EGFR: variants seen among roughly 807,000 people sequenced by gnomAD.
The protein encoded by EGFR is epidermal growth factor receptor.
A neutral mutation model predicts 143.0 loss-of-function variants in EGFR; 58 were observed. The observed-to-expected ratio is 0.41, with a 90% confidence interval of 0.33 to 0.50. The LOEUF (loss-of-function observed/expected upper bound fraction) is 0.50, where lower values mean the gene tolerates loss of function less well. EGFR is among the 20% of genes least tolerant of loss of function. The probability of loss-of-function intolerance (pLI) is 0.39; values close to 1 mark genes in which losing one functional copy is unlikely to be tolerated. For synonymous variants in EGFR, 613 were observed against 594.4 expected (o/e 1.03, Z -0.45); for missense variants, 1,307 against 1,579.0 (o/e 0.83, Z 2.92).
intron 20 of EGFR, among the ~76,000 whole-genome samples, chr7:55,186,151 C>T (rs1208084574): frequency 6.6e-6 from 1 of 152,236 alleles, no homozygotes; most frequent in Non-Finnish European, 1.5e-5. Context: ...ACAGATCGTG[C>T]TGTGTGCGTG....
At chr7:55,156,944 A>T (rs923395176) in intron 10 of EGFR, 112 bp downstream of exon 10, 7 of 1,566,228 alleles carry the variant, frequency 4.5e-6, no homozygotes, top group African/African-American at 1.4e-5. Context: ...CTGAAATTTT[A>T]CCGTTAATGG....
chr7:55,202,440 G>A, intron 26 of EGFR, 77 bp from the exon 27 acceptor site: 1 of 1,236,428 alleles, frequency 8.1e-7, no homozygotes, highest in Non-Finnish European at 1.2e-6. Flanking sequence ...ATCTCAAGGA[G>A]ATCTCGGGTG....
intron 1 of EGFR, among the ~76,000 whole-genome samples, chr7:55,047,769 CA>C (rs1562667463): frequency 1.3e-5 from 2 of 152,120 alleles, no homozygotes; most frequent in South Asian, 2.1e-4. Context: ...AACAAACAAA[CA>C]AAAAAACACT....
At chr7:55,098,412 A>G (rs953010123) in intron 1 of EGFR, among the ~76,000 whole-genome samples, 1 of 152,186 alleles carries the variant, frequency 6.6e-6, no homozygotes, top group Admixed American at 6.5e-5. Context: ...TGGCAACTCC[A>G]TAGAATGAAA....
chr7:55,193,854 C>T (rs1170910178), intron 22 of EGFR, among the ~76,000 whole-genome samples: 2 of 152,158 alleles, frequency 1.3e-5, no homozygotes, highest in Admixed American at 1.3e-4. Flanking sequence ...TCTGATTTTC[C>T]AAATACATAC....
rs550550936 is a variant in EGFR, at chr7:55,199,980, C to T, written c.2849-336C>T. Among the ~76,000 whole-genome samples, 14 of 152,342 alleles carry T rather than the reference C, an allele frequency of 9.2e-5. No individual in the cohort carries two copies. In the South Asian group the frequency reaches 2.9e-3, roughly 32 times the overall value. On this transcript the variant is annotated intron_variant, in intron 23 of 27. Transcript: ENST00000275493. ...TGAGTGAGGACCTTGGTGCAGGGCACCCTGCAGTCAGGATAGTTCATGGAG... is the reference window on the plus strand; with the variant it reads ...TGAGTGAGGACCTTGGTGCAGGGCATCCTGCAGTCAGGATAGTTCATGGAG...
At chr7:55,169,574 A>G (rs1467549528) in intron 15 of EGFR, among the ~76,000 whole-genome samples, 1 of 152,214 alleles carries the variant, frequency 6.6e-6, no homozygotes, top group Non-Finnish European at 1.5e-5. Context: ...TACCAAAAAA[A>G]AAAGAATCAA....
At chr7:55,155,542 G>A (rs978039285) in intron 7 of EGFR, among the ~76,000 whole-genome samples, 14 of 152,210 alleles carry the variant, frequency 9.2e-5, no homozygotes, top group African/African-American at 3.4e-4. Context: ...GTGGAGGAGA[G>A]GGCTGAGGTG....
chr7:55,024,852 C>T (rs531985300), intron 1 of EGFR, among the ~76,000 whole-genome samples: 24 of 152,248 alleles, frequency 1.6e-4, no homozygotes, highest in African/African-American at 5.5e-4. Flanking sequence ...GAATCAATGA[C>T]GGAACTCTTC....
chr7:55,173,917 C>T lies in EGFR; in HGVS notation c.2062-4C>T, dbSNP rs199867889. On this transcript the variant is annotated splice_region_variant and splice_polypyrimidine_tract_variant and intron_variant, in intron 17 of 27. Coordinates refer to ENST00000275493, the MANE Select transcript of EGFR (RefSeq NM_005228.5). ...CCTTGTCTCTGTGTTCTTGTCCCCC[C>T]CAGCTTGTGGAGCCTCTTACACCCA... 6 of 1,614,242 alleles carry T rather than the reference C, an allele frequency of 3.7e-6. No individual in the cohort carries two copies.
chr7:55,126,944 C>T (rs1012168867), intron 1 of EGFR, among the ~76,000 whole-genome samples: 6 of 152,076 alleles, frequency 3.9e-5, no homozygotes, highest in African/African-American at 1.4e-4. Flanking sequence ...AAACCAAACA[C>T]CCCCGCTTAA....
At chr7:55,194,186 C>T (rs1031760679) in intron 22 of EGFR, among the ~76,000 whole-genome samples, 1 of 152,034 alleles carries the variant, frequency 6.6e-6, no homozygotes, top group African/African-American at 2.4e-5. Flanking sequence ...CTTGCTCCCC[C>T]TCATCTATGC....
At chr7:55,180,394 C>G (rs1786805391) in intron 19 of EGFR, 1 of 152,208 alleles carries the variant, frequency 6.6e-6, no homozygotes, top group South Asian at 2.1e-4. Context: ...TTCCTCAGCC[C>G]AAGAATAGCA....
intron 1 of EGFR, among the ~76,000 whole-genome samples, chr7:55,088,708 T>C (rs1214909561): frequency 1.3e-5 from 2 of 152,216 alleles, no homozygotes; most frequent in Non-Finnish European, 2.9e-5. Flanking sequence ...TGTCAACCCA[T>C]GGCTGTAATG....
At chr7:55,039,019 G>T (rs552148854) in intron 1 of EGFR, among the ~76,000 whole-genome samples, 1 of 151,834 alleles carries the variant, frequency 6.6e-6, no homozygotes, top group South Asian at 2.1e-4. Flanking sequence ...TGCCAGAGGT[G>T]GAAGTCTGTG....
intron 27 of EGFR, 142 bp downstream of exon 27, chr7:55,202,767 G>C: frequency 1.3e-6 from 1 of 773,596 alleles, no homozygotes; most frequent in Non-Finnish European, 2.3e-6. Flanking sequence ...ACACAGTGAA[G>C]GGCGTAAGGA....
intron 20 of EGFR, among the ~76,000 whole-genome samples, chr7:55,187,665 G>A (rs1436225673): frequency 6.6e-6 from 1 of 152,346 alleles, no homozygotes. Flanking sequence ...GGAGCTCAAG[G>A]CCACAGATGC....
chr7:55,061,455 G>A (rs1228108036), intron 1 of EGFR, among the ~76,000 whole-genome samples: 1 of 152,184 alleles, frequency 6.6e-6, no homozygotes, highest in Non-Finnish European at 1.5e-5. Flanking sequence ...AGCCACAGAG[G>A]GAAAGGGGAC....
At chr7:55,167,859 TC>T (rs1437660321) in intron 15 of EGFR, among the ~76,000 whole-genome samples, 9 of 152,224 alleles carry the variant, frequency 5.9e-5, no homozygotes, top group Non-Finnish European at 8.8e-5. Context: ...GGGCCAAGTT[TC>T]CAGAATAATA....
Sources: allele counts gnomAD v4.1 joint callset (sites outside exome capture counted in the v4.1 genomes callset), GRCh38; gene constraint gnomAD v4.1.1; transcripts MANE v1.5; gene names NCBI Gene and HGNC (gene_info 2026-07-23, HGNC 2026-07-21).